PLXNA4: variants seen among roughly 807,000 people sequenced by gnomAD.
PLXNA4 encodes plexin-A4.
In PLXNA4, 44 loss-of-function variants were observed where a neutral mutation model predicts 191.8. The observed-to-expected ratio is 0.23, with a 90% CI of 0.18 to 0.29. The LOEUF is 0.29. PLXNA4 is among the 10% of genes least tolerant of loss of function. The probability of loss-of-function intolerance (pLI) is 1.00; values close to 1 mark genes in which losing one functional copy is unlikely to be tolerated. For missense variants in PLXNA4, 1,800 were observed against 2,488.8 expected (o/e 0.72, Z 5.89); for synonymous variants, 1,082 against 1,009.5 (o/e 1.07, Z -1.36).
chr7:132,498,140 G>C (rs1265151787), intron 2 of PLXNA4, among the ~76,000 whole-genome samples: 1 of 152,166 alleles, frequency 6.6e-6, no homozygotes, highest in African/African-American at 2.4e-5. Flanking sequence ...ATTTTTGAGA[G>C]ACAGAGGAGA....
At chr7:132,220,658 CCT>C (rs1414475486) in intron 9 of PLXNA4, among the ~76,000 whole-genome samples, 1 of 151,958 alleles carries the variant, frequency 6.6e-6, no homozygotes, top group South Asian at 2.1e-4. Flanking sequence ...GGCATCCCAT[CCT>C]CTGAGATGCT....
intron 27 of PLXNA4, 136 bp downstream of exon 27, chr7:132,147,764 C>G (rs1795478369): frequency 1.7e-6 from 2 of 1,184,584 alleles, no homozygotes; most frequent in African/African-American, 1.5e-5. Context: ...CCACCTGGCT[C>G]TCTTCCCCGA....
At position 132,127,754 on chromosome 7, in the gene PLXNA4, T is replaced by C. The variant is rs946359396; in HGVS notation, c.*2725A>G. The C allele has an allele frequency of 1.3e-5, 2 of 151,950 alleles. No homozygotes were observed. The highest frequency in any genetic ancestry group is 2.4e-5 in the African/African-American group (1 of 41,304). The allele number at this position is 151,950 out of a possible 1,614,324, so 9.4% of individuals were successfully genotyped here. A position where few individuals can be genotyped will look rare whatever the true frequency, so the allele number is the denominator to read the frequency against. ...CCCCAAACCCCTCCCCCAGGAGAAA[T>C]GGGGACAGCCAGAAAATTTGTCTGT... is the stretch of plus-strand genomic sequence containing the variant. On this transcript the variant is annotated 3_prime_UTR_variant, in exon 32 of 32. Transcript: ENST00000321063.
At chr7:132,622,851 C>T (rs1022242390) in intron 2 of PLXNA4, among the ~76,000 whole-genome samples, 7 of 152,172 alleles carry the variant, frequency 4.6e-5, no homozygotes, top group African/African-American at 1.7e-4. Flanking sequence ...ACATGGTTAC[C>T]AGGTTATCTG....
intron 3 of PLXNA4, among the ~76,000 whole-genome samples, chr7:132,334,889 T>C (rs1585006150): frequency 6.6e-6 from 1 of 152,336 alleles, no homozygotes; most frequent in Middle Eastern, 3.4e-3. Context: ...GATCAAACAC[T>C]TTCATTCAAA....
intron 1 of PLXNA4, among the ~76,000 whole-genome samples, chr7:132,527,419 T>C (rs1262969503): frequency 6.6e-6 from 1 of 151,700 alleles, no homozygotes; most frequent in Non-Finnish European, 1.5e-5. Context: ...CCATCCCCAT[T>C]GAGCAGATGA....
At chr7:132,365,358 T>TGTGTGTGTGCGC (rs377067193) in intron 3 of PLXNA4, among the ~76,000 whole-genome samples, 1 of 133,594 alleles carries the variant, frequency 7.5e-6, no homozygotes, top group African/African-American at 3.4e-5. Context: ...TGTGTGTGTG[T>TGTGTGTGTGCGC]GTGCGTGCGC....
At chr7:132,443,878 A>G (rs1464020908) in intron 3 of PLXNA4, among the ~76,000 whole-genome samples, 2 of 152,188 alleles carry the variant, frequency 1.3e-5, no homozygotes, top group Non-Finnish European at 2.9e-5. Context: ...ATAATAATAG[A>G]CCAATCCCAT....
intron 13 of PLXNA4, 119 bp from the exon 14 acceptor site, chr7:132,194,298 G>T: frequency 7.0e-7 from 1 of 1,430,426 alleles, no homozygotes; most frequent in South Asian, 1.5e-5. Context: ...GGCCAGGTAG[G>T]GGAGGAAGGG....
intron 3 of PLXNA4, among the ~76,000 whole-genome samples, chr7:132,468,458 A>C (rs1796793272): frequency 6.6e-6 from 1 of 152,160 alleles, no homozygotes; most frequent in Non-Finnish European, 1.5e-5. Flanking sequence ...AAAAATTCTC[A>C]TCTCAAGAAT....
chr7:132,143,859 G>A (rs2116556351), intron 29 of PLXNA4, among the ~76,000 whole-genome samples: 1 of 152,332 alleles, frequency 6.6e-6, no homozygotes, highest in East Asian at 1.9e-4. Context: ...CTCTCACTAG[G>A]AGTTAATATG....
intron 3 of PLXNA4, among the ~76,000 whole-genome samples, chr7:132,464,338 C>T (rs559006214): frequency 6.6e-6 from 1 of 152,268 alleles, no homozygotes; most frequent in Non-Finnish European, 1.5e-5. Flanking sequence ...TGTCCTCAGT[C>T]ACCAGCTATA....
At chr7:132,334,709 C>T (rs1048965800) in intron 3 of PLXNA4, among the ~76,000 whole-genome samples, 3 of 152,272 alleles carry the variant, frequency 2.0e-5, no homozygotes, top group East Asian at 1.9e-4. Flanking sequence ...GGAATGGCGG[C>T]CCCTAAAGCC....
intron 2 of PLXNA4, among the ~76,000 whole-genome samples, chr7:132,497,787 G>T (rs746103743): frequency 2.6e-5 from 4 of 152,138 alleles, no homozygotes; most frequent in Admixed American, 6.5e-5. Context: ...CTGCACCCTG[G>T]TTGTGAGCAC....
intron 25 of PLXNA4, among the ~76,000 whole-genome samples, chr7:132,155,150 T>C (rs1795755074): frequency 6.6e-6 from 1 of 152,198 alleles, no homozygotes; most frequent in Non-Finnish European, 1.5e-5. Flanking sequence ...GGGCTATTGA[T>C]AGAGCATTTG....
At chr7:132,487,907 G>C (rs543396891) in intron 3 of PLXNA4, among the ~76,000 whole-genome samples, 1 of 152,256 alleles carries the variant, frequency 6.6e-6, no homozygotes, top group East Asian at 1.9e-4. Flanking sequence ...ACAGAACGGA[G>C]GTATGAAATA....
chr7:132,510,154 A>G (rs550468521), intron 1 of PLXNA4, among the ~76,000 whole-genome samples: 31 of 152,326 alleles, frequency 2.0e-4, no homozygotes, highest in African/African-American at 7.5e-4. Flanking sequence ...GGAATTGCCA[A>G]CATCCTATCT....
intron 3 of PLXNA4, among the ~76,000 whole-genome samples, chr7:132,425,743 C>T (rs1043752150): frequency 2.0e-5 from 3 of 152,226 alleles, no homozygotes; most frequent in Non-Finnish European, 2.9e-5. Context: ...TTTGAGGAAA[C>T]TGAGAGAAAG....
At chr7:132,538,119 G>T (rs1191651348) in intron 1 of PLXNA4, among the ~76,000 whole-genome samples, 1 of 152,184 alleles carries the variant, frequency 6.6e-6, no homozygotes, top group Non-Finnish European at 1.5e-5. Context: ...ACATGGAGGA[G>T]AAATGTGTAC....
Sources: gnomAD v4.1 joint callset for allele counts (sites outside exome capture counted in the v4.1 genomes callset) on GRCh38, gnomAD v4.1.1 for gene constraint, MANE v1.5 for transcripts, NCBI Gene and HGNC (gene_info 2026-07-23, HGNC 2026-07-21) for gene names.